Variants in C4orf36 observed in about 807,000 individuals in gnomAD.
C4orf36 encodes uncharacterized protein C4orf36.
In C4orf36, 11 loss-of-function variants were observed where a neutral mutation model predicts 12.2. The observed-to-expected ratio is 0.90, with a 90% CI of 0.57 to 1.49. The LOEUF (loss-of-function observed/expected upper bound fraction) is 1.49, where lower values mean the gene tolerates loss of function less well. Among genes scored for constraint, C4orf36 ranks in the 40% most tolerant of loss-of-function variants. The pLI is 0.00. For missense variants in C4orf36, 137 were observed against 133.9 expected, an observed-to-expected ratio of 1.02 and a Z score of -0.11; for synonymous variants, 54 against 51.3, an observed-to-expected ratio of 1.05 and a Z score of -0.22.
chr4:86,898,660 TAAAA>T, the C4orf36 span, among the ~76,000 whole-genome samples: 1 of 152,122 alleles, frequency 6.6e-6, no homozygotes, highest in Non-Finnish European at 1.5e-5. Flanking sequence ...TATTGGCTTT[TAAAA>T]TATATTATAA....
the C4orf36 span, among the ~76,000 whole-genome samples, chr4:86,921,442 G>A: frequency 6.6e-6 from 1 of 152,194 alleles, no homozygotes; most frequent in African/African-American, 2.4e-5. Context: ...AAACAGGGCT[G>A]TAGTAGGTTG....
At chr4:86,895,689 T>A (rs995054070), upstream of C4orf36, among the ~76,000 whole-genome samples, 1 of 152,242 alleles carries the variant, frequency 6.6e-6, no homozygotes, top group Non-Finnish European at 1.5e-5. Flanking sequence ...CAGTATATCC[T>A]TTTGAAATAT....
chr4:86,916,394 G>A, the C4orf36 span, among the ~76,000 whole-genome samples: 1 of 147,816 alleles, frequency 6.8e-6, no homozygotes, highest in African/African-American at 2.5e-5. Flanking sequence ...AACTTTTTCC[G>A]GACACTTAAT....
intron 4 of C4orf36, among the ~76,000 whole-genome samples, chr4:86,882,333 A>T (rs1186644483): frequency 6.6e-6 from 1 of 152,214 alleles, no homozygotes; most frequent in Non-Finnish European, 1.5e-5. Context: ...TTCATTTTCA[A>T]CATTATGAAA....
chr4:86,933,968 C>G, the C4orf36 span, among the ~76,000 whole-genome samples: 1 of 152,146 alleles, frequency 6.6e-6, no homozygotes. Flanking sequence ...TTTGGAAATG[C>G]AAATATCCAT....
chr4:86,891,410 C>G, intron 2 of C4orf36, 46 bp downstream of exon 2: 1 of 1,565,958 alleles, frequency 6.4e-7, no homozygotes, highest in African/African-American at 1.4e-5. Flanking sequence ...CACTCCCCAC[C>G]GCAGTCAATG....
chr4:86,933,594 G>A, the C4orf36 span: 1 of 152,220 alleles, frequency 6.6e-6, no homozygotes, highest in Non-Finnish European at 1.5e-5. Flanking sequence ...TTAGATAGAA[G>A]TGGTAAAAGT....
At chr4:86,922,797 C>G in the C4orf36 span, among the ~76,000 whole-genome samples, 1 of 152,170 alleles carries the variant, frequency 6.6e-6, no homozygotes, top group African/African-American at 2.4e-5. Flanking sequence ...CATATAATTT[C>G]TCTGCCATCT....
chr4:86,913,548 G>T, the C4orf36 span: 1 of 1,003,228 alleles, frequency 1.0e-6, no homozygotes, highest in Non-Finnish European at 1.6e-6. Context: ...ATCGAAAAGA[G>T]CGTTGGGCAG....
chr4:86,900,942 G>A, the C4orf36 span, among the ~76,000 whole-genome samples: 1 of 151,012 alleles, frequency 6.6e-6, no homozygotes, highest in Non-Finnish European at 1.5e-5. Context: ...TGTTCAAATT[G>A]TAAGCCAGAT....
intron 2 of C4orf36, among the ~76,000 whole-genome samples, chr4:86,888,611 T>C (rs1747272674): frequency 6.6e-6 from 1 of 152,170 alleles, no homozygotes; most frequent in African/African-American, 2.4e-5. Context: ...TGTGGTCATA[T>C]TGAAGAAGGA....
chr4:86,893,598 T>A (rs936422313), upstream of C4orf36, among the ~76,000 whole-genome samples: 2 of 147,478 alleles, frequency 1.4e-5, no homozygotes, highest in Non-Finnish European at 3.0e-5. Context: ...AAAAAAAAGA[T>A]AAAACACAGT....
the C4orf36 span, among the ~76,000 whole-genome samples, chr4:86,917,381 A>AAAGG: frequency 1.3e-5 from 2 of 149,398 alleles, no homozygotes; most frequent in African/African-American, 4.9e-5. Flanking sequence ...GGAAGGAAGG[A>AAAGG]AAGGAAGGAA....
At chr4:86,922,131 A>T in the C4orf36 span, among the ~76,000 whole-genome samples, 1 of 152,260 alleles carries the variant, frequency 6.6e-6, no homozygotes, top group African/African-American at 2.4e-5. Context: ...AAGGAATGCT[A>T]GAATGCATTT....
At chr4:86,924,738 A>C in the C4orf36 span, 1 of 152,356 alleles carries the variant, frequency 6.6e-6, no homozygotes, top group South Asian at 2.1e-4. Context: ...TTGAGGCTTA[A>C]TGTCAGCTTT....
the C4orf36 span, among the ~76,000 whole-genome samples, chr4:86,904,710 A>AT: frequency 6.6e-6 from 1 of 152,040 alleles, no homozygotes; most frequent in Non-Finnish European, 1.5e-5. Context: ...CCTGGGCCGC[A>AT]TAAAAAGGCC....
At chr4:86,918,806 TGTGC>T in the C4orf36 span, among the ~76,000 whole-genome samples, 14 of 25,134 alleles carry the variant, frequency 5.6e-4, no homozygotes, top group South Asian at 3.0e-3. Context: ...GTGTGTTGTG[TGTGC>T]GTGTGTGTGT....
the C4orf36 span, among the ~76,000 whole-genome samples, chr4:86,908,805 T>A: frequency 6.6e-6 from 1 of 152,140 alleles, no homozygotes; most frequent in Admixed American, 6.6e-5. Context: ...AGGGTCTGAA[T>A]TCTCAGACGT....
chr4:86,924,622 C>A, the C4orf36 span: 9 of 152,480 alleles, frequency 5.9e-5, no homozygotes, highest in Admixed American at 2.0e-4. Flanking sequence ...GCATTATAGG[C>A]ATGGGCCACC....
Sources: allele counts gnomAD v4.1 joint callset (sites outside exome capture counted in the v4.1 genomes callset), GRCh38; gene constraint gnomAD v4.1.1; transcripts MANE v1.5; gene names NCBI Gene and HGNC (gene_info 2026-07-23, HGNC 2026-07-21).